CATSPERE: variants seen among roughly 807,000 people sequenced by gnomAD.
CATSPERE encodes cation channel sperm-associated auxiliary subunit epsilon.
In CATSPERE, 93 loss-of-function variants were observed where a neutral mutation model predicts 114.1. The observed-to-expected ratio is 0.81, with a 90% confidence interval of 0.69 to 0.97. The LOEUF (loss-of-function observed/expected upper bound fraction) is 0.97, where lower values mean the gene tolerates loss of function less well. CATSPERE is among the 50% of genes least tolerant of loss of function. The pLI is 0.00. For missense variants in CATSPERE, 1,058 were observed against 1,131.6 expected, an observed-to-expected ratio of 0.93 and a Z score of 0.93; for synonymous variants, 341 against 384.1, an observed-to-expected ratio of 0.89 and a Z score of 1.31.
In CATSPERE at chr1:244,595,344, C is replaced by T. The variant is rs34910735; in HGVS notation, c.2303+1766C>T. On this transcript the variant is annotated intron_variant, in intron 17 of 21. Coordinates refer to ENST00000366534, the MANE Select transcript of CATSPERE (RefSeq NM_001130957.2). ...AAAGAGAGCGAGGCTCTGGGAAATG[C>T]TCCAGAAGACTTGCATTTGAGCTAA... 1.1e-4 allele frequency among the ~76,000 whole-genome samples: 16 copies of T among 152,284 alleles called. 1 individual carries two copies. In the South Asian group the frequency reaches 1.5e-3, roughly 14 times the overall value.
rs1312692227 is a variant in CATSPERE, at chr1:244,617,587, A to G, written c.2549A>G (p.Tyr850Cys). Residue 850 changes from tyrosine to cysteine, a missense_variant, in exon 20 of 22, where the codon TAC (tyrosine) becomes TGC (cysteine). By Grantham distance (194) the Tyr-to-Cys change is radical. Coordinates refer to ENST00000366534, the MANE Select transcript of CATSPERE (RefSeq NM_001130957.2). ...AAACCAGGAGACTTAAATCAACCAT[A>G]CGAGATTATCAACAGTTCTAATGGT... is the stretch of plus-strand genomic sequence containing the variant. ...IGKPGDLNQP[Y>C]EIINSSNGNH... The G allele has an allele frequency of 6.5e-7, 1 of 1,544,360 alleles. No individual in the cohort carries two copies. Among genetic ancestry groups the G allele is most frequent in the African/African-American group, 1.4e-5 (1 of 72,450 alleles).
In CATSPERE at chr1:244,552,709, G is replaced by A; in HGVS notation, c.924G>A (p.Lys308=). The A allele has an allele frequency of 6.2e-7, 1 of 1,613,928 alleles. No individual in the cohort carries two copies. The highest frequency in any genetic ancestry group is 8.5e-7 in the Non-Finnish European group (1 of 1,179,876). The change falls in exon 9 of 22, where the codon AAG becomes AAA. Residue 308 remains lysine, a synonymous_variant. Transcript: ENST00000366534. ...VFLINGVLYI[K]SFRGFIRLGG... is the part of the protein sequence containing the mutation. ...TTATAAATGGTGTTCTTTACATAAAGAGTTTTCGTGGATTTATAAGACTGG... is the reference window on the plus strand; with the variant it reads ...TTATAAATGGTGTTCTTTACATAAAAAGTTTTCGTGGATTTATAAGACTGG...
upstream of CATSPERE, chr1:244,452,072 G>T (rs1319018389): frequency 2.4e-5 from 8 of 335,646 alleles, no homozygotes; most frequent in Admixed American, 4.9e-5. Context: ...CCCTGGTGGC[G>T]GCAACGGCCG....
At chr1:244,618,605 A>ACT (rs36192579) in intron 20 of CATSPERE, among the ~76,000 whole-genome samples, 149,813 of 152,230 alleles carry the variant, frequency 0.98, 73,770 homozygotes, top group East Asian at 1. Flanking sequence ...ATATGGAGAA[A>ACT]CTGTCTCTAC....
rs1670198806 is a variant in CATSPERE, at chr1:244,607,849, C to T, written c.2403+2055C>T. 6.6e-6 allele frequency among the ~76,000 whole-genome samples: 1 copy of T among 152,224 alleles called. No homozygotes were observed. ...AACTTGTTGGCTAGGCACGGTGGCT[C>T]ATGCCTATAATCCCAGCACTTTGGG... On this transcript the variant is annotated intron_variant, in intron 18 of 21. Transcript: ENST00000366534. This position sits in a 1 kb window ranked among gnomAD's most constrained non-coding sequence, Gnocchi z 4.4.
intron 8 of CATSPERE, among the ~76,000 whole-genome samples, chr1:244,545,310 C>G (rs1450092420): frequency 6.6e-6 from 1 of 152,190 alleles, no homozygotes; most frequent in African/African-American, 2.4e-5. Flanking sequence ...GCCTAATGGG[C>G]CTCTTTGGAT....
Position 244,633,865 on chromosome 1 carries a change from ATTT to A in CATSPERE, c.2649-1609_2649-1607del, listed in dbSNP as rs35307647. On this transcript the variant is annotated intron_variant, in intron 20 of 21. Coordinates refer to ENST00000366534, the MANE Select transcript of CATSPERE (RefSeq NM_001130957.2). The surrounding 1 kb of genome is among the most constrained non-coding windows in gnomAD (Gnocchi z 4.1). ...CCTGTGACAGGTGTCTACATCACTC[ATTT>A]TTTTTTTTTTTTTTGAGACGGAGCC... is the stretch of plus-strand genomic sequence containing the variant. Among the ~76,000 whole-genome samples, 2 of 133,640 alleles carry A rather than the reference ATTT, an allele frequency of 1.5e-5. No individual in the cohort carries two copies. The allele number at this position is 133,640 out of a possible 152,430, so 87.7% of individuals were successfully genotyped here. A position where few individuals can be genotyped will look rare whatever the true frequency, so the allele number is the denominator to read the frequency against.
chr1:244,453,632 ACT>A (rs1665842576), upstream of CATSPERE, among the ~76,000 whole-genome samples: 1 of 152,056 alleles, frequency 6.6e-6, no homozygotes, highest in Non-Finnish European at 1.5e-5. Flanking sequence ...TGACTCTGGT[ACT>A]CTCTCTACTG....
intron 7 of CATSPERE, among the ~76,000 whole-genome samples, chr1:244,510,481 G>T (rs1450793245): frequency 6.6e-6 from 1 of 152,130 alleles, no homozygotes; most frequent in East Asian, 1.9e-4. Flanking sequence ...CACTTGATAT[G>T]AATTCAATTT....
intron 20 of CATSPERE, among the ~76,000 whole-genome samples, chr1:244,620,914 T>C (rs1672010392): frequency 6.7e-6 from 1 of 148,530 alleles, no homozygotes; most frequent in South Asian, 2.1e-4. Flanking sequence ...AGACAGAGAT[T>C]AGATCAGAGA....
At chr1:244,545,573 A>G (rs1572678493) in intron 8 of CATSPERE, among the ~76,000 whole-genome samples, 1 of 152,310 alleles carries the variant, frequency 6.6e-6, no homozygotes, top group East Asian at 1.9e-4. Context: ...ATTTTGGAGA[A>G]AGGCCCTTTC....
In CATSPERE at chr1:244,584,927, G is replaced by A. The variant is rs1018595513; in HGVS notation, c.2085+988G>A. Among the ~76,000 whole-genome samples, 8 of 152,142 alleles carry A rather than the reference G, an allele frequency of 5.3e-5. 1 individual carries two copies. In the South Asian group the frequency reaches 1.0e-3, roughly 20 times the overall value. On this transcript the variant is annotated intron_variant, in intron 13 of 21. Transcript: ENST00000366534. ...CCTACCACATGCCAGCTTAATCCAC[G>A]TAGGAAATAAGAAACCACAACCTAG...
chr1:244,599,447 C>G (rs931909419), intron 17 of CATSPERE, among the ~76,000 whole-genome samples: 2 of 152,196 alleles, frequency 1.3e-5, no homozygotes, highest in African/African-American at 4.8e-5. Context: ...TACATCAAAT[C>G]CATTAACAAA....
intron 7 of CATSPERE, among the ~76,000 whole-genome samples, chr1:244,508,528 C>T (rs1399305363): frequency 1.3e-5 from 2 of 151,414 alleles, no homozygotes; most frequent in Non-Finnish European, 2.9e-5. Flanking sequence ...GTCTCAATAC[C>T]CTGACCTTGT....
chr1:244,572,954 T>C (rs551165294), intron 11 of CATSPERE, among the ~76,000 whole-genome samples, 182 bp downstream of exon 11: 2 of 152,264 alleles, frequency 1.3e-5, no homozygotes, highest in East Asian at 3.9e-4. Flanking sequence ...TTGCTTTCCA[T>C]ATCCAAGCCC....
At chr1:244,581,724 A>G in intron 11 of CATSPERE, 72 bp from the exon 12 acceptor site, 5 of 648,572 alleles carry the variant, frequency 7.7e-6, no homozygotes, top group Middle Eastern at 5.0e-4. Context: ...GTAGAAAGCC[A>G]TATGCTACTA....
chr1:244,588,372 A>G (rs749397515), intron 13 of CATSPERE, 110 bp from the exon 14 acceptor site: 2 of 810,800 alleles, frequency 2.5e-6, no homozygotes, highest in Non-Finnish European at 4.2e-6. Flanking sequence ...AGAACCCTAC[A>G]TTTTACAAGT....
In CATSPERE at chr1:244,490,437, T is replaced by C. The variant is rs762061410; in HGVS notation, c.327-10T>C. 6.5e-7 allele frequency: 1 copy of C among 1,540,160 alleles called. No homozygotes were observed. ...GTTTACTAAAATATGTTTCCTCTTT[T>C]TCCAAGCAGACATTTCTTTAACAAC... On this transcript the variant is annotated splice_polypyrimidine_tract_variant and intron_variant, in intron 5 of 21. Transcript: ENST00000366534.
intron 7 of CATSPERE, chr1:244,515,173 C>T (rs1216837293): frequency 5.9e-6 from 1 of 170,596 alleles, no homozygotes; most frequent in Non-Finnish European, 1.2e-5. Context: ...TTACTAGTCT[C>T]CCCCTTCTAC....
Sources: gnomAD v4.1 joint callset for allele counts (sites outside exome capture counted in the v4.1 genomes callset) on GRCh38, gnomAD v4.1.1 for gene constraint, Gnocchi (gnomAD v3.1) non-coding constraint, MANE v1.5 for transcripts, NCBI Gene and HGNC (gene_info 2026-07-23, HGNC 2026-07-21) for gene names.